The following AGO3 variants were observed in gnomAD, a reference collection of about 807,000 sequenced individuals.
AGO3 encodes the protein argonaute RISC catalytic component 3.
Under a neutral mutation model 105.5 loss-of-function variants are expected in AGO3, and 16 were observed. That is an observed-to-expected ratio of 0.15 (90% CI 0.10 to 0.23). AGO3 has a LOEUF of 0.23. Ranked by LOEUF, AGO3 falls within the 10% of genes least tolerant of loss-of-function variation. The pLI, the probability that AGO3 is intolerant of heterozygous loss-of-function variation, is 1.00. For missense variants in AGO3, 534 were observed against 1,088.0 expected, an observed-to-expected ratio of 0.49 and a Z score of 7.16; for synonymous variants, 340 against 367.3, an observed-to-expected ratio of 0.93 and a Z score of 0.85.
Position 36,027,820 on chromosome 1 carries a change from A to G in AGO3, c.1591+522A>G, listed in dbSNP as rs927443364. 1.3e-5 allele frequency among the ~76,000 whole-genome samples: 2 copies of G among 152,168 alleles called. No homozygotes were observed. The highest frequency in any genetic ancestry group is 4.8e-5 in the African/African-American group (2 of 41,448). On this transcript the variant is annotated intron_variant, in intron 12 of 18. Coordinates refer to ENST00000373191, the MANE Select transcript of AGO3 (RefSeq NM_024852.4). This position sits in a 1 kb window ranked among gnomAD's most constrained non-coding sequence, Gnocchi z 4.0. ...GGTTTCAGTAGTGAAAAGAGGCATTACATAACAATGGCTAAAGAAAGAATT... is the reference window on the plus strand; with the variant it reads ...GGTTTCAGTAGTGAAAAGAGGCATTGCATAACAATGGCTAAAGAAAGAATT...
chr1:36,000,503 A>G (rs1418231102), intron 5 of AGO3, among the ~76,000 whole-genome samples: 1 of 152,190 alleles, frequency 6.6e-6, no homozygotes, highest in African/African-American at 2.4e-5. Flanking sequence ...AGTAATTACA[A>G]CTTTGTGGTA....
chr1:36,045,156 A>G (rs1436917446), intron 17 of AGO3, among the ~76,000 whole-genome samples: 1 of 152,242 alleles, frequency 6.6e-6, no homozygotes, highest in Non-Finnish European at 1.5e-5. Context: ...TGATGTCAGC[A>G]AGATGGCTGA....
At chr1:35,958,069 AAAAAAAG>A (rs1229340454) in intron 2 of AGO3, among the ~76,000 whole-genome samples, 1 of 151,652 alleles carries the variant, frequency 6.6e-6, no homozygotes, top group Non-Finnish European at 1.5e-5. Context: ...CTGTATCTTT[AAAAAAAG>A]AAAAAAGTAT....
chr1:35,997,664 A>G (rs901462654), intron 5 of AGO3, among the ~76,000 whole-genome samples: 2 of 152,160 alleles, frequency 1.3e-5, no homozygotes, highest in East Asian at 1.9e-4. Context: ...GTTTATTAGG[A>G]TGTAATCCCG....
At chr1:35,995,207 AAAAT>A (rs956582183) in intron 5 of AGO3, among the ~76,000 whole-genome samples, 11 of 106,482 alleles carry the variant, frequency 1.0e-4, no homozygotes, top group South Asian at 3.0e-4. Context: ...TCTAAAAAAA[AAAAT>A]ATATATATAT....
Position 36,059,430 on chromosome 1 carries a change from G to A in AGO3, c.*3685G>A, listed in dbSNP as rs1020854838. 6.6e-6 allele frequency: 1 copy of A among 150,728 alleles called. No homozygotes were observed. The highest frequency in any genetic ancestry group is 2.4e-5 in the African/African-American group (1 of 40,958). 9.3% of individuals were successfully genotyped at this position (150,728 alleles called of 1,614,324 possible). Reference sequence around the variant, plus strand: ...AAGTTTTTTTTTTTAAGTTAAACATGAAATTCACAGTGACCCTTCTGCTCC... The same window carrying A: ...AAGTTTTTTTTTTTAAGTTAAACATAAAATTCACAGTGACCCTTCTGCTCC... On this transcript the variant is annotated 3_prime_UTR_variant, in exon 19 of 19. Coordinates refer to ENST00000373191, the MANE Select transcript of AGO3 (RefSeq NM_024852.4).
intron 2 of AGO3, among the ~76,000 whole-genome samples, chr1:35,965,093 A>G (rs1345644515): frequency 6.6e-6 from 1 of 151,942 alleles, no homozygotes; most frequent in African/African-American, 2.4e-5. Context: ...GGTTTCCCAG[A>G]ATTCGTAAGG....
chr1:35,957,837 A>T (rs1646599391), intron 2 of AGO3, among the ~76,000 whole-genome samples: 3 of 148,974 alleles, frequency 2.0e-5, no homozygotes. Context: ...AGGCCAAGGC[A>T]GGAGGAGTGC....
At chr1:36,020,075 A>G (rs755291896) in intron 11 of AGO3, among the ~76,000 whole-genome samples, 18 of 152,028 alleles carry the variant, frequency 1.2e-4, no homozygotes, top group Non-Finnish European at 2.4e-4. Flanking sequence ...CCCGGCCAGT[A>G]TATACATTTT....
At position 36,066,740 on chromosome 1, in the gene AGO3, T is replaced by C. The variant is rs1557723208; in HGVS notation, c.*10995T>C. 1 of 152,214 alleles carries C rather than the reference T, an allele frequency of 6.6e-6. No homozygotes were observed. The highest frequency in any genetic ancestry group is 1.5e-5 in the Non-Finnish European group (1 of 68,036). The allele number at this position is 152,214 out of a possible 1,614,324, so 9.4% of individuals were successfully genotyped here. A position where few individuals can be genotyped will look rare whatever the true frequency, so the allele number is the denominator to read the frequency against. Reference sequence around the variant, plus strand: ...TGCAAAAATGTTGCATACGTGACTCTTTATTGTCAGAATCTGTAGAAACTG... The same window carrying C: ...TGCAAAAATGTTGCATACGTGACTCCTTATTGTCAGAATCTGTAGAAACTG... On this transcript the variant is annotated 3_prime_UTR_variant, in exon 19 of 19. Transcript: ENST00000373191.
chr1:35,936,059 G>A (rs934486549), intron 1 of AGO3, among the ~76,000 whole-genome samples: 1 of 152,148 alleles, frequency 6.6e-6, no homozygotes, highest in Non-Finnish European at 1.5e-5. Flanking sequence ...TTCTAATTCA[G>A]TTGTCTTGGA....
intron 1 of AGO3, among the ~76,000 whole-genome samples, chr1:35,945,131 A>G (rs947716121): frequency 6.6e-6 from 1 of 152,136 alleles, no homozygotes; most frequent in Non-Finnish European, 1.5e-5. Context: ...TACCTTGTCA[A>G]ATAATCAAAT....
At chr1:36,028,223 AT>A (rs372394811) in intron 12 of AGO3, among the ~76,000 whole-genome samples, 2,440 of 150,782 alleles carry the variant, frequency 0.016, 53 homozygotes, top group African/African-American at 0.053. Context: ...TTATTTTTTT[AT>A]TTTTTTTGTT....
intron 5 of AGO3, among the ~76,000 whole-genome samples, chr1:35,998,274 T>C (rs1435868018): frequency 6.6e-6 from 1 of 152,174 alleles, no homozygotes; most frequent in African/African-American, 2.4e-5. Flanking sequence ...ATCAATCCAG[T>C]TTATAATACA....
At chr1:35,958,234 A>T (rs557311588) in intron 2 of AGO3, among the ~76,000 whole-genome samples, 1 of 151,964 alleles carries the variant, frequency 6.6e-6, no homozygotes, top group East Asian at 1.9e-4. Context: ...TAAAAAAATT[A>T]GCCAGGCATG....
chr1:35,956,891 G>A lies in AGO3; in HGVS notation c.192-10064G>A, dbSNP rs932545573. Among the ~76,000 whole-genome samples the A allele has an allele frequency of 2.6e-5, 4 of 151,584 alleles. No individual in the cohort carries two copies. In the South Asian group the frequency reaches 8.3e-4, roughly 32 times the overall value. ...TCAAACTCCTGAGCTCAGGCAGTCC[G>A]CCCACCTCGGCCTCCCAAAGTTGCT... On this transcript the variant is annotated intron_variant, in intron 2 of 18. Coordinates refer to ENST00000373191, the MANE Select transcript of AGO3 (RefSeq NM_024852.4).
chr1:35,938,816 T>G (rs1646200934), intron 1 of AGO3, among the ~76,000 whole-genome samples: 1 of 152,186 alleles, frequency 6.6e-6, no homozygotes. Flanking sequence ...CTATAGTATA[T>G]GTTATAGTTG....
chr1:35,978,806 C>G (rs958798841), intron 5 of AGO3, among the ~76,000 whole-genome samples: 3 of 152,070 alleles, frequency 2.0e-5, no homozygotes, highest in Admixed American at 6.5e-5. Context: ...CATGTACTTT[C>G]ATTTTGTTGG....
chr1:36,050,223 T>C (rs1035363550), intron 17 of AGO3, among the ~76,000 whole-genome samples: 3 of 152,184 alleles, frequency 2.0e-5, no homozygotes, highest in Non-Finnish European at 4.4e-5. Flanking sequence ...TGGTGGCTCA[T>C]GCCTATAATC....
Sources: allele counts gnomAD v4.1 joint callset (sites outside exome capture counted in the v4.1 genomes callset), GRCh38; gene constraint gnomAD v4.1.1; non-coding constraint Gnocchi (gnomAD v3.1); transcripts MANE v1.5; gene names NCBI Gene and HGNC (gene_info 2026-07-23, HGNC 2026-07-21).